The following GRM8 variants were observed in gnomAD, a reference collection of about 807,000 sequenced individuals.
GRM8 encodes the protein glutamate metabotropic receptor 8, also known as metabotropic glutamate receptor 8.
In GRM8, 47 loss-of-function variants were observed where a neutral mutation model predicts 87.2. The ratio of observed to expected loss-of-function variants is 0.54; its 90% confidence interval spans 0.43 to 0.69. The LOEUF is 0.69. Ranked by LOEUF, GRM8 falls within the 30% of genes least tolerant of loss-of-function variation. The probability of loss-of-function intolerance (pLI) is 0.00; values close to 1 mark genes in which losing one functional copy is unlikely to be tolerated. For missense variants in GRM8, 1,019 were observed against 1,139.2 expected, an observed-to-expected ratio of 0.89 and a Z score of 1.52; for synonymous variants, 396 against 404.5, an observed-to-expected ratio of 0.98 and a Z score of 0.25.
chr7:126,629,075 C>T (rs189113935), intron 7 of GRM8, among the ~76,000 whole-genome samples: 107 of 152,282 alleles, frequency 7.0e-4, no homozygotes, highest in African/African-American at 2.3e-3. Context: ...CTTTAACTTT[C>T]GTGTAACTCT....
intron 3 of GRM8, among the ~76,000 whole-genome samples, chr7:126,916,801 G>A (rs1022862135): frequency 6.6e-6 from 1 of 152,176 alleles, no homozygotes; most frequent in African/African-American, 2.4e-5. Context: ...TGGTACGGCA[G>A]TAACCAAACT....
intron 6 of GRM8, among the ~76,000 whole-genome samples, chr7:126,800,271 C>T (rs1202914566): frequency 3.3e-5 from 5 of 152,010 alleles, no homozygotes; most frequent in African/African-American, 1.2e-4. Context: ...AGGAGACCAG[C>T]CTCTATCATT....
At chr7:126,739,992 C>T (rs896368109) in intron 7 of GRM8, among the ~76,000 whole-genome samples, 1 of 152,006 alleles carries the variant, frequency 6.6e-6, no homozygotes, top group Non-Finnish European at 1.5e-5. Flanking sequence ...ATGATGTTTG[C>T]ACAGTGACAA....
At chr7:126,796,993 A>C (rs749879104) in intron 6 of GRM8, among the ~76,000 whole-genome samples, 13 of 152,148 alleles carry the variant, frequency 8.5e-5, no homozygotes, top group Non-Finnish European at 1.6e-4. Flanking sequence ...TCAGGATCAG[A>C]AGTGCGCTGT....
intron 3 of GRM8, among the ~76,000 whole-genome samples, chr7:127,073,648 C>T (rs917048687): frequency 6.6e-6 from 1 of 152,002 alleles, no homozygotes; most frequent in Non-Finnish European, 1.5e-5. Context: ...AAACTGACCC[C>T]GCAAATTAAT....
chr7:126,733,665 G>A (rs191998649), intron 7 of GRM8, among the ~76,000 whole-genome samples: 10 of 151,894 alleles, frequency 6.6e-5, no homozygotes, highest in African/African-American at 1.7e-4. Context: ...CATTAATAAC[G>A]GACAAAAATA....
At chr7:126,909,801 C>T (rs576637923) in intron 3 of GRM8, among the ~76,000 whole-genome samples, 10 of 152,218 alleles carry the variant, frequency 6.6e-5, no homozygotes, top group Middle Eastern at 3.4e-3. Context: ...TGCATCATGA[C>T]CATCTTTCTG....
At chr7:127,035,475 G>A (rs963695365) in intron 3 of GRM8, among the ~76,000 whole-genome samples, 10 of 152,196 alleles carry the variant, frequency 6.6e-5, no homozygotes, top group African/African-American at 2.4e-4. Context: ...TCCCACATCC[G>A]CTTCAGCCAC....
intron 3 of GRM8, among the ~76,000 whole-genome samples, chr7:126,975,985 GACAA>G (rs1188488084): frequency 1.3e-5 from 2 of 151,884 alleles, no homozygotes; most frequent in African/African-American, 2.4e-5. Context: ...AACCCAGATG[GACAA>G]ACAAACATGA....
chr7:126,895,398 T>G (rs886896771), intron 6 of GRM8, among the ~76,000 whole-genome samples: 3 of 152,020 alleles, frequency 2.0e-5, no homozygotes, highest in African/African-American at 7.2e-5. Context: ...ACCCTAGAGC[T>G]CACCAGGATC....
In GRM8 at chr7:126,530,969, C is replaced by T. The variant is rs373685682; in HGVS notation, c.2430+1983G>A. On this transcript the variant is annotated intron_variant, in intron 9 of 10. Coordinates refer to ENST00000339582, the MANE Select transcript of GRM8 (RefSeq NM_000845.3). The stretch of plus-strand genomic sequence containing the variant: ...GACTATAGGTGCACGACACCATGCC[C>T]GGCTAATTTTTTTATTTTTATTATT... 1.8e-4 allele frequency among the ~76,000 whole-genome samples: 28 copies of T among 152,092 alleles called. No homozygotes were observed. In the East Asian group the frequency reaches 2.3e-3, roughly 13 times the overall value.
chr7:127,100,403 T>C (rs1362313667), intron 3 of GRM8, among the ~76,000 whole-genome samples: 1 of 152,178 alleles, frequency 6.6e-6, no homozygotes, highest in Admixed American at 6.5e-5. Flanking sequence ...AGCCCTCCCA[T>C]GACCATAAAC....
At chr7:127,213,244 G>T (rs1027016991) in intron 2 of GRM8, among the ~76,000 whole-genome samples, 6 of 152,088 alleles carry the variant, frequency 3.9e-5, no homozygotes, top group African/African-American at 1.5e-4. Flanking sequence ...ACCTTAGATA[G>T]TGCACCTTAA....
chr7:126,932,322 GTCAA>G (rs1805848109), intron 3 of GRM8, among the ~76,000 whole-genome samples: 1 of 152,094 alleles, frequency 6.6e-6, no homozygotes, highest in African/African-American at 2.4e-5. Flanking sequence ...GTTAAGAAAG[GTCAA>G]TCAATGATTA....
At chr7:127,198,774 C>T (rs371846478) in intron 2 of GRM8, among the ~76,000 whole-genome samples, 92 of 151,268 alleles carry the variant, frequency 6.1e-4, no homozygotes, top group East Asian at 2.3e-3. Context: ...CTCCAGGGCT[C>T]AGTGACCCTC....
intron 9 of GRM8, among the ~76,000 whole-genome samples, chr7:126,530,566 A>G (rs1267039492): frequency 6.6e-6 from 1 of 152,206 alleles, no homozygotes; most frequent in Non-Finnish European, 1.5e-5. Context: ...ACAATGCTCA[A>G]TAAGGAGCTG....
chr7:127,250,063 G>GA (rs1563609117), intron 1 of GRM8, among the ~76,000 whole-genome samples: 1 of 152,230 alleles, frequency 6.6e-6, no homozygotes, highest in East Asian at 1.9e-4. Context: ...AACTTGGAAG[G>GA]AAAAAAACAT....
intron 3 of GRM8, among the ~76,000 whole-genome samples, chr7:127,077,691 C>T (rs973916503): frequency 2.6e-5 from 4 of 152,182 alleles, no homozygotes; most frequent in Non-Finnish European, 5.9e-5. Flanking sequence ...TTTTTAATTA[C>T]GTTCTCTGCC....
At chr7:126,937,834 AC>A (rs1481392077) in intron 3 of GRM8, among the ~76,000 whole-genome samples, 3 of 152,128 alleles carry the variant, frequency 2.0e-5, no homozygotes, top group Admixed American at 6.6e-5. Context: ...TATCCCAGAG[AC>A]CTGGACTCTC....
Sources: gnomAD v4.1 joint callset for allele counts (sites outside exome capture counted in the v4.1 genomes callset) on GRCh38, gnomAD v4.1.1 for gene constraint, MANE v1.5 for transcripts, NCBI Gene and HGNC (gene_info 2026-07-23, HGNC 2026-07-21) for gene names.